BTBD8: variants seen among roughly 807,000 people sequenced by gnomAD.
The protein encoded by BTBD8 is BTB/POZ domain-containing protein 8.
BTBD8 carries 110 observed loss-of-function variants against 162.9 expected under a neutral mutation model. The ratio of observed to expected loss-of-function variants is 0.68; its 90% CI spans 0.58 to 0.79. The LOEUF is 0.79. Among genes scored for constraint, BTBD8 ranks in the 30% least tolerant of loss-of-function variants. The pLI is 0.00. For missense variants in BTBD8, 1,905 were observed against 2,085.4 expected (o/e 0.91, Z 1.68); for synonymous variants, 667 against 716.1 (o/e 0.93, Z 1.10).
In BTBD8 at chr1:92,182,532, G is replaced by A; in HGVS notation, c.4849G>A (p.Glu1617Lys). Residue 1617 changes from glutamate to lysine, a missense_variant, in exon 17 of 18, where the codon GAA becomes AAA. Transcript: ENST00000636805. Reference protein sequence around the residue: ...DSFRSQVLPQEGPVKESHSTT... With the variant: ...DSFRSQVLPQKGPVKESHSTT... ...CTTTCGGAGTCAAGTTCTGCCTCAG[G>A]AAGGTCCAGTGAAAGAGAGCCATTC... 1 of 1,541,972 alleles carries A rather than the reference G, an allele frequency of 6.5e-7. No homozygotes were observed. The highest frequency in any genetic ancestry group is 8.7e-7 in the Non-Finnish European group (1 of 1,144,506).
At chr1:92,083,659 G>T (rs905794255) in intron 1 of BTBD8, among the ~76,000 whole-genome samples, 1 of 152,168 alleles carries the variant, frequency 6.6e-6, no homozygotes, top group Non-Finnish European at 1.5e-5. Context: ...GATGTATCTA[G>T]AAGGAGTGGA....
At chr1:92,107,841 G>T (rs745575136) in intron 3 of BTBD8, 43 bp from the exon 4 acceptor site, 62 of 1,498,804 alleles carry the variant, frequency 4.1e-5, no homozygotes, top group Non-Finnish European at 5.6e-5. Context: ...TTGGACGTTT[G>T]TAATATTAAA....
At chr1:92,108,071 C>T (rs1570722453) in intron 4 of BTBD8, 70 bp downstream of exon 4, 2 of 1,402,592 alleles carry the variant, frequency 1.4e-6, no homozygotes, top group Middle Eastern at 1.8e-4. Context: ...TGTCTCTTAC[C>T]AGCACGGTGG....
In BTBD8 at chr1:92,177,534, A is replaced by T. The variant is rs1472716436; in HGVS notation, c.2341A>T (p.Asn781Tyr). 1.3e-6 allele frequency: 2 copies of T among 1,533,730 alleles called. No homozygotes were observed. The highest frequency in any genetic ancestry group is 1.8e-6 in the Non-Finnish European group (2 of 1,139,126). The change falls in exon 14 of 18, where the codon AAT (asparagine) becomes TAT (tyrosine). Residue 781 changes from asparagine to tyrosine, a missense_variant. By Grantham distance (143) the Asn-to-Tyr change is moderately radical. This residue lies in a region of BTBD8 where 1,374 missense variants were observed against 1,442.7 expected (regional missense o/e 0.95). Transcript: ENST00000636805. ...MMKNSVDSVK[N>Y]STVAIKSRPV... ...GAAAAACAGTGTAGATAGTGTCAAAAATTCCACTGTAGGTGGGTTTTAGCA... is the reference window on the plus strand; with the variant it reads ...GAAAAACAGTGTAGATAGTGTCAAATATTCCACTGTAGGTGGGTTTTAGCA...
At chr1:92,157,014 A>G (rs1414384895) in intron 9 of BTBD8, among the ~76,000 whole-genome samples, 1 of 150,772 alleles carries the variant, frequency 6.6e-6, no homozygotes, top group Non-Finnish European at 1.5e-5. Flanking sequence ...GGTATAATAT[A>G]AAGTTTTTTT....
chr1:92,092,762 G>A (rs1648347751), intron 2 of BTBD8, among the ~76,000 whole-genome samples: 1 of 152,082 alleles, frequency 6.6e-6, no homozygotes, highest in Non-Finnish European at 1.5e-5. Flanking sequence ...GGGTTTTTAT[G>A]TCCTTATGTA....
At chr1:92,128,149 T>A (rs954396285) in intron 4 of BTBD8, among the ~76,000 whole-genome samples, 2 of 151,840 alleles carry the variant, frequency 1.3e-5, no homozygotes, top group Admixed American at 1.3e-4. Context: ...GGAGTTTCGC[T>A]CTTGTTGCCC....
intron 9 of BTBD8, among the ~76,000 whole-genome samples, chr1:92,161,646 A>G (rs1340123878): frequency 6.6e-6 from 1 of 152,212 alleles, no homozygotes; most frequent in Non-Finnish European, 1.5e-5. Flanking sequence ...AGAGAAGTGG[A>G]CGTGAGAACT....
At chr1:92,170,250 A>G (rs549027813) in intron 12 of BTBD8, among the ~76,000 whole-genome samples, 1 of 152,282 alleles carries the variant, frequency 6.6e-6, no homozygotes, top group Admixed American at 6.5e-5. Context: ...TGAATTGTCA[A>G]AAAGGACTTT....
intron 4 of BTBD8, among the ~76,000 whole-genome samples, chr1:92,128,995 T>A (rs1296230190): frequency 6.6e-6 from 1 of 152,084 alleles, no homozygotes; most frequent in East Asian, 1.9e-4. Context: ...GAGCCTTGAT[T>A]TACACTTTAG....
chr1:92,134,898 T>TTC (rs902965340), intron 5 of BTBD8, among the ~76,000 whole-genome samples: 19 of 150,464 alleles, frequency 1.3e-4, no homozygotes, highest in Middle Eastern at 3.4e-3. Context: ...TTAATTAATT[T>TTC]TTTTTTTTTT....
chr1:92,136,355 TTC>T (rs1213216268), intron 5 of BTBD8, among the ~76,000 whole-genome samples: 3 of 152,076 alleles, frequency 2.0e-5, no homozygotes, highest in Admixed American at 6.6e-5. Context: ...TTTTTTTTTT[TTC>T]TTTTTATGAA....
At chr1:92,155,002 T>C (rs1042951333) in intron 9 of BTBD8, among the ~76,000 whole-genome samples, 6 of 152,300 alleles carry the variant, frequency 3.9e-5, no homozygotes, top group Non-Finnish European at 7.4e-5. Context: ...TTCCCAGCAC[T>C]GTTTGTTGAA....
intron 1 of BTBD8, among the ~76,000 whole-genome samples, chr1:92,086,331 G>A (rs561756033): frequency 3.9e-4 from 60 of 152,206 alleles, no homozygotes; most frequent in African/African-American, 1.3e-3. Context: ...ACCCTGGACC[G>A]CAGACATGTT....
intron 1 of BTBD8, among the ~76,000 whole-genome samples, chr1:92,086,141 T>C (rs1272191811): frequency 6.6e-6 from 1 of 152,196 alleles, no homozygotes; most frequent in African/African-American, 2.4e-5. Flanking sequence ...AATTGATCTA[T>C]GAGCCTGGGA....
At chr1:92,178,582 C>T (rs1650790965) in intron 16 of BTBD8, 131 bp downstream of exon 16, 1 of 713,304 alleles carries the variant, frequency 1.4e-6, no homozygotes. Context: ...TTGTTTCACA[C>T]CATAGAGATG....
chr1:92,097,147 G>A (rs1013647673), intron 2 of BTBD8, among the ~76,000 whole-genome samples: 1 of 148,456 alleles, frequency 6.7e-6, no homozygotes, highest in African/African-American at 2.5e-5. Context: ...CCTAGTCTGG[G>A]ACATTGTTCC....
At chr1:92,175,517 G>A (rs944127374) in intron 13 of BTBD8, among the ~76,000 whole-genome samples, 1 of 141,514 alleles carries the variant, frequency 7.1e-6, no homozygotes. Context: ...AATATTGGCC[G>A]GGCACAGTGG....
Position 92,168,991 on chromosome 1 carries a change from A to G in BTBD8, c.1569A>G (p.Gln523=). The change falls in exon 12 of 18, where the codon CAA becomes CAG. Residue 523 remains glutamine (Q), a synonymous_variant. Transcript: ENST00000636805. ...LMSTDDQQKI[Q]AAAFDKGDDR... ...GCACAGATGATCAACAGAAAATCCA[A>G]GCAGGTACGTTAGCCTTGAGATATT... 8 of 1,527,446 alleles carry G rather than the reference A, an allele frequency of 5.2e-6. No individual in the cohort carries two copies. The highest frequency in any genetic ancestry group is 7.1e-6 in the Non-Finnish European group (8 of 1,128,696). The allele number at this position is 1,527,446 out of a possible 1,614,324, so 94.6% of individuals were successfully genotyped here.
Sources: allele counts gnomAD v4.1 joint callset (sites outside exome capture counted in the v4.1 genomes callset), GRCh38; gene constraint gnomAD v4.1.1; regional missense constraint gnomAD v4.1.1; transcripts MANE v1.5; gene names NCBI Gene and HGNC (gene_info 2026-07-23, HGNC 2026-07-21).